The following FAM222B variants were observed in gnomAD, a reference collection of about 807,000 sequenced individuals.
FAM222B encodes family with sequence similarity 222 member B, also known as protein FAM222B.
Under a neutral mutation model 38.0 loss-of-function variants are expected in FAM222B, and 12 were observed. That is an observed-to-expected ratio of 0.32 (90% CI 0.20 to 0.51). FAM222B has a LOEUF of 0.51. Ranked by LOEUF, FAM222B falls within the 20% of genes least tolerant of loss-of-function variation. The pLI, the probability that FAM222B is intolerant of heterozygous loss-of-function variation, is 0.97. For missense variants in FAM222B, 716 were observed against 754.2 expected, an observed-to-expected ratio of 0.95 and a Z score of 0.59; for synonymous variants, 329 against 317.2, an observed-to-expected ratio of 1.04 and a Z score of -0.40.
At position 28,817,578 on chromosome 17, in the gene FAM222B, C is replaced by T. The variant is rs1344348667; in HGVS notation, c.-41+25104G>A. ...TCTACTAAAAATACAAAAAATTAGC[C>T]GGCCATGGTGGTCGCCTATAATCCC... On this transcript the variant is annotated intron_variant, in intron 1 of 2. Coordinates refer to ENST00000581407, the MANE Select transcript of FAM222B (RefSeq NM_001077498.3). Among the ~76,000 whole-genome samples, 3 of 152,072 alleles carry T rather than the reference C, an allele frequency of 2.0e-5. No homozygotes were observed. The East Asian group carries it at 5.8e-4, about 29-fold the overall frequency.
chr17:28,813,033 G>GGA (rs2037863063), intron 1 of FAM222B, among the ~76,000 whole-genome samples: 1 of 64,950 alleles, frequency 1.5e-5, no homozygotes, highest in African/African-American at 5.2e-5. Context: ...GGGGGGGGGG[G>GGA]GGGGGGGGAG....
chr17:28,850,059 G>C (rs1284333251), intron 1 of FAM222B, among the ~76,000 whole-genome samples: 1 of 151,836 alleles, frequency 6.6e-6, no homozygotes, highest in African/African-American at 2.4e-5. Context: ...ACTCCAACCT[G>C]GCCAACAAGA....
chr17:28,796,950 G>C (rs918236673), intron 1 of FAM222B, among the ~76,000 whole-genome samples: 5 of 144,910 alleles, frequency 3.5e-5, no homozygotes, highest in African/African-American at 5.0e-5. Flanking sequence ...CTTCAAGTGT[G>C]AAAGAAAAAC....
chr17:28,825,297 G>C (rs118033108), intron 1 of FAM222B, among the ~76,000 whole-genome samples: 1 of 151,716 alleles, frequency 6.6e-6, no homozygotes, highest in Non-Finnish European at 1.5e-5. Flanking sequence ...TTAGCCGGAC[G>C]TAGAGGCGTG....
intron 1 of FAM222B, among the ~76,000 whole-genome samples, chr17:28,795,500 T>C (rs2151884773): frequency 6.6e-6 from 1 of 152,278 alleles, no homozygotes; most frequent in East Asian, 1.9e-4. Flanking sequence ...AGTGATGCAA[T>C]CACTGCAGCC....
intron 1 of FAM222B, among the ~76,000 whole-genome samples, chr17:28,774,526 T>C (rs1396030275): frequency 6.6e-6 from 1 of 152,186 alleles, no homozygotes; most frequent in African/African-American, 2.4e-5. Flanking sequence ...AGTGCTAGCA[T>C]TTCCCAGACT....
intron 1 of FAM222B, among the ~76,000 whole-genome samples, chr17:28,792,005 T>C (rs8080777): frequency 0.064 from 9,642 of 150,248 alleles, 874 homozygotes; most frequent in African/African-American, 0.21. Flanking sequence ...AGTGAGACCA[T>C]GTCTAAAAAA....
intron 1 of FAM222B, among the ~76,000 whole-genome samples, chr17:28,786,638 C>T (rs2036423250): frequency 6.6e-6 from 1 of 152,150 alleles, no homozygotes; most frequent in Non-Finnish European, 1.5e-5. Flanking sequence ...GGGCATCATA[C>T]AGCCCGCCCA....
chr17:28,766,494 G>A, intron 2 of FAM222B, 92 bp downstream of exon 2: 1 of 969,546 alleles, frequency 1.0e-6, no homozygotes, highest in East Asian at 2.7e-5. Flanking sequence ...AAAATTCAAG[G>A]TCAGTGTACC....
chr17:28,773,375 G>A (rs1046597391), intron 1 of FAM222B, among the ~76,000 whole-genome samples: 12 of 147,700 alleles, frequency 8.1e-5, no homozygotes, highest in African/African-American at 2.2e-4. Flanking sequence ...CCAGCTACTC[G>A]ATAGGCTGAG....
At chr17:28,764,763 A>T (rs2035252330) in intron 2 of FAM222B, among the ~76,000 whole-genome samples, 1 of 152,140 alleles carries the variant, frequency 6.6e-6, no homozygotes, top group Non-Finnish European at 1.5e-5. Flanking sequence ...ATAATTAAAA[A>T]AAAAATAAAA....
rs60475972 is a variant in FAM222B, at chr17:28,777,933, C to T, written c.-40-11226G>A. ...CCTCCTGAGTAGCTGGGACTGCAGGCATGAGCTACCATGCCTGGCTAATTT... is the reference window on the plus strand; with the variant it reads ...CCTCCTGAGTAGCTGGGACTGCAGGTATGAGCTACCATGCCTGGCTAATTT... On this transcript the variant is annotated intron_variant, in intron 1 of 2. Coordinates refer to ENST00000581407, the MANE Select transcript of FAM222B (RefSeq NM_001077498.3). Among the ~76,000 whole-genome samples, 75 of 150,358 alleles carry T rather than the reference C, an allele frequency of 5.0e-4. No homozygotes were observed. The East Asian group carries it at 0.014, about 29-fold the overall frequency.
intron 1 of FAM222B, among the ~76,000 whole-genome samples, chr17:28,804,994 C>T (rs980917661): frequency 1.3e-5 from 2 of 151,558 alleles, no homozygotes; most frequent in Middle Eastern, 3.2e-3. Flanking sequence ...TGCAGTGAGC[C>T]GAGATCACGC....
intron 1 of FAM222B, among the ~76,000 whole-genome samples, chr17:28,841,083 T>C (rs1031423077): frequency 3.3e-5 from 5 of 152,130 alleles, no homozygotes; most frequent in Non-Finnish European, 5.9e-5. Flanking sequence ...TCACCTGACG[T>C]GAGGAGTTCA....
At chr17:28,822,855 A>ATATG (rs1555585756) in intron 1 of FAM222B, among the ~76,000 whole-genome samples, 22 of 113,402 alleles carry the variant, frequency 1.9e-4, no homozygotes, top group African/African-American at 6.8e-4. Context: ...ATATATATAT[A>ATATG]TATATATATA....
At chr17:28,769,245 T>C (rs930062704) in intron 1 of FAM222B, among the ~76,000 whole-genome samples, 5 of 141,842 alleles carry the variant, frequency 3.5e-5, no homozygotes, top group African/African-American at 5.1e-5. Context: ...AGTGGTGCGA[T>C]CTCGGTTCAC....
upstream of FAM222B, among the ~76,000 whole-genome samples, chr17:28,846,743 C>A (rs2039148351): frequency 6.6e-6 from 1 of 152,050 alleles, no homozygotes; most frequent in Non-Finnish European, 1.5e-5. Context: ...TATTGGTCCT[C>A]AATATCCAAG....
chr17:28,759,578 G>A lies in FAM222B; in HGVS notation c.381C>T (p.Ala127=). ...DGTRARLLPE[A]IMNPPVAPYA... is the part of the protein sequence containing the mutation. Reference sequence around the variant, plus strand: ...AGGGTGCCACTGGGGGGTTCATGATGGCCTCAGGGAGCAACCGGGCTCGGG... The same window carrying A: ...AGGGTGCCACTGGGGGGTTCATGATAGCCTCAGGGAGCAACCGGGCTCGGG... Residue 127 remains alanine, a synonymous_variant, in exon 3 of 3, where the codon GCC becomes GCT. Coordinates refer to ENST00000581407, the MANE Select transcript of FAM222B (RefSeq NM_001077498.3). The surrounding 1 kb of genome is among the most constrained non-coding windows in gnomAD (Gnocchi z 4.8). 2 of 1,611,658 alleles carry A rather than the reference G, an allele frequency of 1.2e-6. No individual in the cohort carries two copies. Among genetic ancestry groups the A allele is most frequent in the Non-Finnish European group, 1.7e-6 (2 of 1,178,828 alleles).
upstream of FAM222B, among the ~76,000 whole-genome samples, chr17:28,847,705 G>C (rs987742468): frequency 2.0e-5 from 3 of 152,104 alleles, no homozygotes; most frequent in South Asian, 2.1e-4. Flanking sequence ...ACGAGGTCAG[G>C]AGATCGAGAC....
Sources: gnomAD v4.1 joint callset for allele counts (sites outside exome capture counted in the v4.1 genomes callset) on GRCh38, gnomAD v4.1.1 for gene constraint, Gnocchi (gnomAD v3.1) non-coding constraint, MANE v1.5 for transcripts, NCBI Gene and HGNC (gene_info 2026-07-23, HGNC 2026-07-21) for gene names.